LDB2: variants seen among roughly 807,000 people sequenced by gnomAD.
LDB2 encodes LIM domain binding 2.
A neutral mutation model predicts 44.3 loss-of-function variants in LDB2; 12 were observed. The observed-to-expected ratio is 0.27, with a 90% confidence interval of 0.17 to 0.44. The LOEUF (loss-of-function observed/expected upper bound fraction) is 0.44. Among genes scored for constraint, LDB2 ranks in the 20% least tolerant of loss-of-function variants. LDB2 has a pLI of 1.00. For missense variants in LDB2, 344 were observed against 473.5 expected (o/e 0.73, Z 2.54); for synonymous variants, 164 against 174.8 (o/e 0.94, Z 0.49).
chr4:16,770,156 A>T (rs1170723933), intron 1 of LDB2, among the ~76,000 whole-genome samples: 1 of 152,190 alleles, frequency 6.6e-6, no homozygotes, highest in Non-Finnish European at 1.5e-5. Context: ...GTGTGATGAA[A>T]TAATTTTTTT....
intron 4 of LDB2, among the ~76,000 whole-genome samples, chr4:16,586,487 T>TAC (rs5856368): frequency 0.027 from 3,503 of 128,856 alleles, 52 homozygotes; most frequent in Non-Finnish European, 0.034. Context: ...TGTCTTGAAA[T>TAC]ACACACACAC....
chr4:16,729,013 G>T (rs1386124204), intron 2 of LDB2, among the ~76,000 whole-genome samples: 1 of 152,174 alleles, frequency 6.6e-6, no homozygotes, highest in African/African-American at 2.4e-5. Context: ...CTTGGGTATA[G>T]ATCTATGGTC....
At position 16,520,308 on chromosome 4, in the gene LDB2, A is replaced by AC. The variant is rs397705590; in HGVS notation, c.616-8205dup. Among the ~76,000 whole-genome samples, 5 of 151,508 alleles carry AC rather than the reference A, an allele frequency of 3.3e-5. No homozygotes were observed. The East Asian group carries it at 5.8e-4, about 18-fold the overall frequency. Reference sequence around the variant, plus strand: ...ATATGGAATCTAAAAGAAAAAAAAAACAAAAAAGCAAATAATCCCCACTAA... The same window carrying AC: ...ATATGGAATCTAAAAGAAAAAAAAAACCAAAAAAGCAAATAATCCCCACTAA... On this transcript the variant is annotated intron_variant, in intron 5 of 7. Transcript: ENST00000304523.
intron 2 of LDB2, among the ~76,000 whole-genome samples, chr4:16,707,031 A>C (rs1754760873): frequency 2.0e-5 from 3 of 152,204 alleles, no homozygotes; most frequent in South Asian, 2.1e-4. Flanking sequence ...AAAGTCTGCA[A>C]AACTTTTAAA....
chr4:16,572,326 G>A (rs1204104884), intron 5 of LDB2, among the ~76,000 whole-genome samples: 2 of 151,970 alleles, frequency 1.3e-5, no homozygotes, highest in Admixed American at 1.3e-4. Context: ...GCAATCCCTC[G>A]GCTTTCCCTT....
chr4:16,658,292 G>A (rs924784215), intron 2 of LDB2, among the ~76,000 whole-genome samples: 3 of 152,158 alleles, frequency 2.0e-5, no homozygotes, highest in African/African-American at 7.2e-5. Flanking sequence ...CTTACAATAA[G>A]CCCTTAATAA....
At chr4:16,634,179 A>G (rs1396352125) in intron 2 of LDB2, among the ~76,000 whole-genome samples, 2 of 152,144 alleles carry the variant, frequency 1.3e-5, no homozygotes, top group African/African-American at 4.8e-5. Flanking sequence ...AACCTGGGCA[A>G]TACCATTCAG....
intron 2 of LDB2, among the ~76,000 whole-genome samples, chr4:16,693,714 C>T (rs565045933): frequency 4.1e-4 from 63 of 152,302 alleles, no homozygotes; most frequent in Non-Finnish European, 7.1e-4. Context: ...GATGCAGAGG[C>T]CAAGAAACTG....
At chr4:16,883,944 A>G (rs897999572) in intron 1 of LDB2, among the ~76,000 whole-genome samples, 1 of 152,032 alleles carries the variant, frequency 6.6e-6, no homozygotes, top group Non-Finnish European at 1.5e-5. Context: ...CCTTTGCTTC[A>G]GACACACTAG....
intron 5 of LDB2, among the ~76,000 whole-genome samples, chr4:16,572,889 C>T (rs9714424): frequency 1.3e-5 from 2 of 151,720 alleles, no homozygotes; most frequent in East Asian, 3.9e-4. Context: ...AAAGAGGAGG[C>T]GGAGGGGAAA....
chr4:16,855,635 C>T (rs1472563515), intron 1 of LDB2, among the ~76,000 whole-genome samples: 3 of 151,978 alleles, frequency 2.0e-5, no homozygotes, highest in African/African-American at 4.8e-5. Flanking sequence ...CAATGACAAA[C>T]TTTGAGCTTT....
At chr4:16,710,063 A>G (rs1346563687) in intron 2 of LDB2, among the ~76,000 whole-genome samples, 1 of 152,236 alleles carries the variant, frequency 6.6e-6, no homozygotes, top group East Asian at 1.9e-4. Flanking sequence ...CAAGTTTGCC[A>G]TAGATAATGT....
intron 1 of LDB2, among the ~76,000 whole-genome samples, chr4:16,850,452 A>G (rs115132418): frequency 0.012 from 1,829 of 152,320 alleles, 18 homozygotes; most frequent in Non-Finnish European, 0.021. Flanking sequence ...AGCTCCTGAA[A>G]GCCTTGGCAC....
At chr4:16,766,472 G>GTGTGTATATATATACACACACATATA (rs1769274650) in intron 1 of LDB2, among the ~76,000 whole-genome samples, 4 of 112,764 alleles carry the variant, frequency 3.5e-5, no homozygotes, top group African/African-American at 1.6e-4. Flanking sequence ...ACATATATGT[G>GTGTGTATATATATACACACACATATA]TGTGTGTGTG....
intron 2 of LDB2, chr4:16,752,584 C>T (rs1470691101): frequency 9.4e-6 from 3 of 319,040 alleles, no homozygotes; most frequent in African/African-American, 6.7e-5. Flanking sequence ...AGGTTTAACT[C>T]ACTCACTTAT....
At chr4:16,564,588 T>C (rs1018105087) in intron 5 of LDB2, among the ~76,000 whole-genome samples, 5 of 152,244 alleles carry the variant, frequency 3.3e-5, no homozygotes, top group African/African-American at 9.6e-5. Context: ...AATTTTTCTT[T>C]CCTAAAATCT....
chr4:16,852,128 A>C (rs1788387374), intron 1 of LDB2, among the ~76,000 whole-genome samples: 1 of 152,148 alleles, frequency 6.6e-6, no homozygotes, highest in South Asian at 2.1e-4. Context: ...AATAATAACC[A>C]CATCTTTTGG....
chr4:16,861,222 A>G (rs897175565), intron 1 of LDB2, among the ~76,000 whole-genome samples: 1 of 152,158 alleles, frequency 6.6e-6, no homozygotes, highest in Non-Finnish European at 1.5e-5. Context: ...GAGATGAAAA[A>G]GAATGTGATT....
chr4:16,515,880 T>A (rs933049994), intron 5 of LDB2, among the ~76,000 whole-genome samples: 18 of 151,220 alleles, frequency 1.2e-4, no homozygotes, highest in South Asian at 1.0e-3. Flanking sequence ...TTATTTATTT[T>A]TTTGAGACAG....
Sources: gnomAD v4.1 joint callset for allele counts (sites outside exome capture counted in the v4.1 genomes callset) on GRCh38, gnomAD v4.1.1 for gene constraint, MANE v1.5 for transcripts, NCBI Gene and HGNC (gene_info 2026-07-23, HGNC 2026-07-21) for gene names.